The following RBFOX1 variants were observed in gnomAD, a reference collection of about 807,000 sequenced individuals.
RBFOX1 encodes RNA binding fox-1 homolog 1.
RBFOX1 carries 8 observed loss-of-function variants against 57.7 expected under a neutral mutation model. That is an observed-to-expected ratio of 0.14 (90% CI 0.08 to 0.25). The LOEUF is 0.25. Ranked by LOEUF, RBFOX1 falls within the 10% of genes least tolerant of loss-of-function variation. The pLI is 1.00. For missense variants in RBFOX1, 611 were observed against 548.5 expected, an observed-to-expected ratio of 1.11 and a Z score of -1.14; for synonymous variants, 326 against 222.4, an observed-to-expected ratio of 1.47 and a Z score of -4.15.
At chr16:6,526,857 A>AAAAAAAAAAACAAC (rs1567560941) in intron 2 of RBFOX1, among the ~76,000 whole-genome samples, 2 of 130,422 alleles carry the variant, frequency 1.5e-5, no homozygotes, top group African/African-American at 7.3e-5. Context: ...AAAAAAAAAA[A>AAAAAAAAAAACAAC]AACAACCAGA....
chr16:7,458,081 A>C (rs534522461), intron 4 of RBFOX1, among the ~76,000 whole-genome samples: 1 of 152,204 alleles, frequency 6.6e-6, no homozygotes, highest in African/African-American at 2.4e-5. Context: ...TTCACCTTCC[A>C]AATCAGAACA....
upstream of RBFOX1, among the ~76,000 whole-genome samples, chr16:6,016,363 G>C (rs1351010759): frequency 6.6e-6 from 1 of 152,284 alleles, no homozygotes; most frequent in East Asian, 1.9e-4. Flanking sequence ...GAGTATGTAA[G>C]GGTATTCCTG....
At chr16:5,830,349 A>G (rs2056220816) in intron 3 of RBFOX1, among the ~76,000 whole-genome samples, 1 of 151,442 alleles carries the variant, frequency 6.6e-6, no homozygotes. Context: ...ACCTAATGAG[A>G]TCATTAAATT....
chr16:6,795,277 G>C (rs138130751), intron 3 of RBFOX1, among the ~76,000 whole-genome samples: 25 of 152,186 alleles, frequency 1.6e-4, no homozygotes, highest in Non-Finnish European at 3.4e-4. Context: ...CACCTTGATA[G>C]AAGGGGCCTT....
At chr16:7,093,152 T>C (rs965882697) in intron 4 of RBFOX1, among the ~76,000 whole-genome samples, 1 of 152,194 alleles carries the variant, frequency 6.6e-6, no homozygotes, top group African/African-American at 2.4e-5. Flanking sequence ...GATTCAGAAA[T>C]TCGTTTCTGT....
intron 1 of RBFOX1, among the ~76,000 whole-genome samples, chr16:6,242,618 A>C (rs2097545603): frequency 9.5e-6 from 1 of 105,102 alleles, no homozygotes; most frequent in Admixed American, 1.3e-4. Flanking sequence ...GAGAGAGGAT[A>C]ATTTATTGCA....
intron 3 of RBFOX1, among the ~76,000 whole-genome samples, chr16:5,674,609 A>G (rs913818051): frequency 6.6e-6 from 1 of 152,256 alleles, no homozygotes; most frequent in Non-Finnish European, 1.5e-5. Flanking sequence ...CATAGAACAT[A>G]GTATTGGGTT....
At chr16:6,509,739 C>G (rs528368830) in intron 2 of RBFOX1, among the ~76,000 whole-genome samples, 1 of 152,250 alleles carries the variant, frequency 6.6e-6, no homozygotes, top group African/African-American at 2.4e-5. Context: ...GATGGAGACC[C>G]ATTTACCCTG....
chr16:6,142,428 A>T (rs568200262), intron 1 of RBFOX1, among the ~76,000 whole-genome samples: 3 of 151,836 alleles, frequency 2.0e-5, no homozygotes, highest in Non-Finnish European at 2.9e-5. Context: ...TCACCATGTT[A>T]GCCAGGATGG....
chr16:6,870,632 G>A (rs914001345), intron 3 of RBFOX1, among the ~76,000 whole-genome samples: 7 of 152,120 alleles, frequency 4.6e-5, no homozygotes, highest in African/African-American at 1.7e-4. Context: ...TAATGTAGAT[G>A]AGCAGAAACA....
chr16:7,069,833 C>T (rs2056954356), intron 4 of RBFOX1, among the ~76,000 whole-genome samples: 1 of 152,162 alleles, frequency 6.6e-6, no homozygotes, highest in Non-Finnish European at 1.5e-5. Flanking sequence ...TCTCAATTTC[C>T]ATTCCCCATT....
intron 3 of RBFOX1, among the ~76,000 whole-genome samples, chr16:5,816,926 T>A (rs145406284): frequency 6.6e-6 from 1 of 152,226 alleles, no homozygotes; most frequent in African/African-American, 2.4e-5. Context: ...TGTGTTGATA[T>A]AGGCATGCAT....
intron 3 of RBFOX1, among the ~76,000 whole-genome samples, chr16:6,726,344 C>T (rs895736012): frequency 6.6e-6 from 1 of 151,096 alleles, no homozygotes; most frequent in Non-Finnish European, 1.5e-5. Flanking sequence ...GAGGCAAAAG[C>T]AAATTTTTGC....
chr16:7,015,737 T>A (rs144876980), intron 3 of RBFOX1, among the ~76,000 whole-genome samples: 52 of 152,312 alleles, frequency 3.4e-4, no homozygotes, highest in African/African-American at 1.1e-3. Flanking sequence ...CCATTCCCAA[T>A]AATTCATTTT....
intron 2 of RBFOX1, among the ~76,000 whole-genome samples, chr16:6,524,689 G>C (rs938210671): frequency 1.3e-5 from 2 of 152,124 alleles, no homozygotes; most frequent in African/African-American, 4.8e-5. Flanking sequence ...CAAGATGTCT[G>C]CTGGGCCATG....
At chr16:7,204,944 T>G (rs923778201) in intron 4 of RBFOX1, among the ~76,000 whole-genome samples, 1 of 152,204 alleles carries the variant, frequency 6.6e-6, no homozygotes, top group African/African-American at 2.4e-5. Flanking sequence ...CACTTCAACT[T>G]GAAATTCCTT....
intron 4 of RBFOX1, among the ~76,000 whole-genome samples, chr16:7,062,884 A>C: frequency 8.1e-6 from 1 of 124,026 alleles, no homozygotes; most frequent in Non-Finnish European, 1.6e-5. Flanking sequence ...TCTCATTCAA[A>C]TGATCGCCAT....
chr16:6,674,892 TTTGGTGG>T (rs2057351930), intron 3 of RBFOX1, among the ~76,000 whole-genome samples: 2 of 151,998 alleles, frequency 1.3e-5, no homozygotes, highest in South Asian at 4.2e-4. Context: ...TTTTTGTTTG[TTTGGTGG>T]TTTTTTTTGT....
chr16:6,057,825 G>GTT (rs34335596), intron 1 of RBFOX1, among the ~76,000 whole-genome samples: 5,307 of 80,880 alleles, frequency 0.066, 244 homozygotes, highest in Non-Finnish European at 0.085. Flanking sequence ...TTTGCTATGG[G>GTT]TTTTTTTTTT....
Sources: allele counts gnomAD v4.1 joint callset (sites outside exome capture counted in the v4.1 genomes callset), GRCh38; gene constraint gnomAD v4.1.1; transcripts MANE v1.5; gene names NCBI Gene and HGNC (gene_info 2026-07-23, HGNC 2026-07-21).